SEC13: variants seen among roughly 807,000 people sequenced by gnomAD.
The protein encoded by SEC13 is SEC13 homolog, nuclear pore and COPII component.
In SEC13, 25 loss-of-function variants were observed where a neutral mutation model predicts 49.2. The ratio of observed to expected loss-of-function variants is 0.51; its 90% confidence interval spans 0.37 to 0.71. SEC13 has a LOEUF of 0.71. SEC13 is among the 30% of genes least tolerant of loss of function. The probability of loss-of-function intolerance (pLI) is 0.00; values close to 1 mark genes in which losing one functional copy is unlikely to be tolerated. For synonymous variants in SEC13, 148 were observed against 163.9 expected, an observed-to-expected ratio of 0.90 and a Z score of 0.74; for missense variants, 383 against 417.6, an observed-to-expected ratio of 0.92 and a Z score of 0.72.
chr3:10,305,597 A>G lies in SEC13; in HGVS notation c.546T>C (p.Phe182=). Residue 182 remains phenylalanine (F), a synonymous_variant, in exon 6 of 9, where the codon TTT becomes TTC. Coordinates refer to ENST00000350697, the MANE Select transcript of SEC13 (RefSeq NM_183352.3). ...SGQKPNYIKR[F]ASGGCDNLIK... is the part of the protein sequence containing the mutation. ...TGAGGTTGTCACAGCCACCTGATGC[A>G]AACCTCTTGATGTAATTGGGTTTCT... 6.2e-7 allele frequency: 1 copy of G among 1,614,150 alleles called. No homozygotes were observed. Among genetic ancestry groups the G allele is most frequent in the Non-Finnish European group, 8.5e-7 (1 of 1,180,018 alleles).
rs761380742 is a variant in SEC13, at chr3:10,304,045, A to C, written c.836T>G (p.Val279Gly). The C allele has an allele frequency of 6.2e-7, 1 of 1,614,146 alleles. No homozygotes were observed. The highest frequency in any genetic ancestry group is 1.3e-5 in the African/African-American group (1 of 75,038). The change falls in exon 8 of 9, where the codon GTC becomes GGC. Residue 279 changes from valine to glycine, a missense_variant. By Grantham distance (109) the Val-to-Gly change is moderately radical. Coordinates refer to ENST00000350697, the MANE Select transcript of SEC13 (RefSeq NM_183352.3). ...ATGTACCTTATTGTCTCCACCAGAG[A>C]CAGCCAGGATGTTGGCTGTGATGGA... is the stretch of plus-strand genomic sequence containing the variant. ...SWSITANILA[V>G]SGGDNKVTLW...
chr3:10,320,564 G>T, intron 1 of SEC13: 1 of 986,874 alleles, frequency 1.0e-6, no homozygotes, highest in Non-Finnish European at 1.2e-6. Flanking sequence ...GCTGCAGTAG[G>T]CGGCAGAAAG....
rs773777527 is a variant in SEC13 at position 10,303,925 on chromosome 3, G to A, written c.855+101C>T. On this transcript the variant is annotated intron_variant, in intron 8 of 8. Transcript: ENST00000350697. ...AAACGCAGTCCTGGCTAAGGCTCCT[G>A]CCCAGCCTGCAGTCAGATGGGAATG... is the stretch of plus-strand genomic sequence containing the variant. 8.3e-5 allele frequency: 111 copies of A among 1,336,068 alleles called. No individual in the cohort carries two copies. In the South Asian group the frequency reaches 1.3e-3, roughly 15 times the overall value. 82.8% of individuals were successfully genotyped at this position (1,336,068 alleles called of 1,614,324 possible).
At chr3:10,306,781 T>C (rs115831239) in intron 5 of SEC13, among the ~76,000 whole-genome samples, 3,109 of 152,318 alleles carry the variant, frequency 0.02, 47 homozygotes, top group South Asian at 0.029. Context: ...GCACAAGCTC[T>C]CTCTTTTGCC....
chr3:10,320,324 T>C (rs918072028), intron 1 of SEC13, among the ~76,000 whole-genome samples: 4 of 152,228 alleles, frequency 2.6e-5, no homozygotes, highest in African/African-American at 9.6e-5. Context: ...ATGCATGTAC[T>C]AGATATTCCA....
intron 7 of SEC13, 71 bp downstream of exon 7, chr3:10,304,962 T>G (rs1169935827): frequency 9.3e-6 from 15 of 1,608,210 alleles, no homozygotes. Context: ...GACTTTCTGC[T>G]AAGGAGACTA....
At chr3:10,302,445 AAAG>A (rs1700596570) in intron 8 of SEC13, among the ~76,000 whole-genome samples, 1 of 152,218 alleles carries the variant, frequency 6.6e-6, no homozygotes, top group Non-Finnish European at 1.5e-5. Context: ...ACAGGCTTGT[AAAG>A]AAGAGCAAGA....
chr3:10,315,308 C>T lies in SEC13; in HGVS notation c.164+13G>A, dbSNP rs187995221. 1.4e-3 allele frequency: 2,223 copies of T among 1,597,074 alleles called. 5 individuals carry two copies. The highest frequency in any genetic ancestry group is 7.3e-3 in the Admixed American group (439 of 59,906). ...CATTCCTGGAGCCCTTCCCTGGGCTCGCCAGCACTTACCCCCTGAGGTCGG... is the reference window on the plus strand; with the variant it reads ...CATTCCTGGAGCCCTTCCCTGGGCTTGCCAGCACTTACCCCCTGAGGTCGG... On this transcript the variant is annotated intron_variant, in intron 3 of 8. Transcript: ENST00000350697.
chr3:10,316,183 A>G (rs1462713891), intron 2 of SEC13, among the ~76,000 whole-genome samples: 1 of 152,156 alleles, frequency 6.6e-6, no homozygotes, highest in Admixed American at 6.5e-5. Flanking sequence ...CCGCAGGGTG[A>G]TGGTCTCTGA....
intron 5 of SEC13, among the ~76,000 whole-genome samples, chr3:10,306,826 C>T (rs796385617): frequency 5.9e-5 from 9 of 152,324 alleles, no homozygotes; most frequent in African/African-American, 1.9e-4. Context: ...CTTGTTCCTC[C>T]TTGCCTTCTG....
rs1382640861 is a variant in SEC13 at position 10,315,340 on chromosome 3, G to A, written c.145C>T (p.Leu49Phe). The change falls in exon 3 of 9, where the codon CTT becomes TTT. Residue 49 changes from leucine (L) to phenylalanine (F), a missense_variant. By Grantham distance (22) the Leu-to-Phe change is conservative (BLOSUM62 0). Transcript: ENST00000350697. ...ACTTACCCCCTGAGGTCGGCGATAA[G>A]GATCTGCCCTCCATTGCGCACATCA... ...IFDVRNGGQI[L>F]IADLRGHEGP... 76 of 1,613,546 alleles carry A rather than the reference G, an allele frequency of 4.7e-5. No individual in the cohort carries two copies. Among genetic ancestry groups the A allele is most frequent in the Non-Finnish European group, 6.1e-5 (72 of 1,179,708 alleles).
chr3:10,305,219 A>C, intron 6 of SEC13, 63 bp from the exon 7 acceptor site: 2 of 1,537,880 alleles, frequency 1.3e-6, no homozygotes. Flanking sequence ...CTCCTCCCCA[A>C]CCCAACAGGC....
chr3:10,318,171 G>A (rs1701723064), intron 1 of SEC13, 77 bp from the exon 2 acceptor site: 2 of 955,996 alleles, frequency 2.1e-6, no homozygotes, highest in East Asian at 2.4e-5. Context: ...GACTGCATTT[G>A]TTTGTTCACT....
chr3:10,305,387 AG>A, intron 6 of SEC13, 171 bp downstream of exon 6: 1 of 1,028,038 alleles, frequency 9.7e-7, no homozygotes, highest in Non-Finnish European at 1.4e-6. Context: ...TTAGGTGAAC[AG>A]GTGTTGTGTT....
Position 10,321,101 on chromosome 3 carries a change from G to A in SEC13, c.-49C>T. 1 of 1,612,248 alleles carries A rather than the reference G, an allele frequency of 6.2e-7. No homozygotes were observed. The highest frequency in any genetic ancestry group is 8.5e-7 in the Non-Finnish European group (1 of 1,179,516). ...GTCTCGGACGTGGCAGCTCCCGGCG[G>A]CGCCTCGGAACAGCTCACTTCCGGC... On this transcript the variant is annotated 5_prime_UTR_variant, in exon 1 of 9. Coordinates refer to ENST00000350697, the MANE Select transcript of SEC13 (RefSeq NM_183352.3). The surrounding 1 kb of genome is among the most constrained non-coding windows in gnomAD (Gnocchi z 4.1).
At chr3:10,304,601 A>C (rs759463964) in intron 7 of SEC13, among the ~76,000 whole-genome samples, 5 of 152,194 alleles carry the variant, frequency 3.3e-5, no homozygotes, top group Non-Finnish European at 5.9e-5. Context: ...TGAAAGGCCT[A>C]GCTGGCTCCC....
chr3:10,311,949 CAG>C lies in SEC13; in HGVS notation c.450+14_450+15del, dbSNP rs1701290012. 6.2e-7 allele frequency: 1 copy of C among 1,614,200 alleles called. No homozygotes were observed. Among genetic ancestry groups the C allele is most frequent in the Non-Finnish European group, 8.5e-7 (1 of 1,180,006 alleles). Reference sequence around the variant, plus strand: ...GCAGGCGCTCTCACTGCACGAAAGGCAGGGGATGGACTCACGGTGTGAGCGTT... The same window carrying C: ...GCAGGCGCTCTCACTGCACGAAAGGCGGGATGGACTCACGGTGTGAGCGTT... On this transcript the variant is annotated intron_variant, in intron 5 of 8. Coordinates refer to ENST00000350697, the MANE Select transcript of SEC13 (RefSeq NM_183352.3).
At chr3:10,309,741 T>C (rs2125262035) in intron 5 of SEC13, among the ~76,000 whole-genome samples, 1 of 152,356 alleles carries the variant, frequency 6.6e-6, no homozygotes, top group South Asian at 2.1e-4. Context: ...TATTCTTGTT[T>C]CTTATATAAC....
chr3:10,318,233 T>C, intron 1 of SEC13, 139 bp from the exon 2 acceptor site: 1 of 670,888 alleles, frequency 1.5e-6, no homozygotes, highest in Non-Finnish European at 2.7e-6. Context: ...ACCTTCTTTC[T>C]GCCAAGCACT....
Sources: gnomAD v4.1 joint callset for allele counts (sites outside exome capture counted in the v4.1 genomes callset) on GRCh38, gnomAD v4.1.1 for gene constraint, Gnocchi (gnomAD v3.1) non-coding constraint, MANE v1.5 for transcripts, NCBI Gene and HGNC (gene_info 2026-07-23, HGNC 2026-07-21) for gene names.